BDP1: variants seen among roughly 807,000 people sequenced by gnomAD.
BDP1 encodes the protein transcription factor TFIIIB component B'' homolog.
BDP1 carries 169 observed loss-of-function variants against 266.6 expected under a neutral mutation model. The observed-to-expected ratio is 0.63, with a 90% CI of 0.56 to 0.72. The LOEUF is 0.72. BDP1 is among the 30% of genes least tolerant of loss of function. BDP1 has a pLI of 0.00. For missense variants in BDP1, 3,015 were observed against 3,053.8 expected (o/e 0.99, Z 0.30); for synonymous variants, 1,090 against 1,022.4 (o/e 1.07, Z -1.26).
intron 7 of BDP1, among the ~76,000 whole-genome samples, chr5:71,471,553 G>A (rs1056477270): frequency 1.3e-5 from 2 of 152,158 alleles, no homozygotes; most frequent in African/African-American, 2.4e-5. Flanking sequence ...GCTTTCCTAG[G>A]CCCCCTTAAC....
intron 35 of BDP1, among the ~76,000 whole-genome samples, chr5:71,556,058 T>C (rs1743197789): frequency 6.6e-6 from 1 of 152,156 alleles, no homozygotes; most frequent in Non-Finnish European, 1.5e-5. Context: ...TGTTAAACTC[T>C]TCTTCATATA....
At chr5:71,487,047 A>T (rs777920878) in intron 9 of BDP1, among the ~76,000 whole-genome samples, 1 of 152,196 alleles carries the variant, frequency 6.6e-6, no homozygotes, top group Admixed American at 6.5e-5. Context: ...CTGAAGGCTA[A>T]TGTTGAGTTG....
Position 71,509,452 on chromosome 5 carries a change from T to C in BDP1, c.2373-13T>C, listed in dbSNP as rs767501744. ...TTTAAAACTTGATTGTGTGCCCCCTTTTTTTTTTATAGCGTTCAAGAGAAT... is the reference window on the plus strand; with the variant it reads ...TTTAAAACTTGATTGTGTGCCCCCTCTTTTTTTTATAGCGTTCAAGAGAAT... On this transcript the variant is annotated splice_polypyrimidine_tract_variant and intron_variant, in intron 16 of 38. Coordinates refer to ENST00000358731, the MANE Select transcript of BDP1 (RefSeq NM_018429.3). The C allele has an allele frequency of 5.0e-6, 7 of 1,413,770 alleles. No homozygotes were observed. In the Admixed American group the frequency reaches 8.7e-5, roughly 18 times the overall value. The allele number at this position is 1,413,770 out of a possible 1,614,324, so 87.6% of individuals were successfully genotyped here. A position where few individuals can be genotyped will look rare whatever the true frequency, so the allele number is the denominator to read the frequency against.
At chr5:71,559,108 C>T (rs578249316) in intron 36 of BDP1, among the ~76,000 whole-genome samples, 27 of 151,194 alleles carry the variant, frequency 1.8e-4, no homozygotes, top group African/African-American at 5.6e-4. Context: ...GAGCCGAGAT[C>T]GCGCCTCTGC....
intron 22 of BDP1, 125 bp downstream of exon 22, chr5:71,517,577 A>C (rs963769071): frequency 1.3e-6 from 1 of 770,418 alleles, no homozygotes; most frequent in Non-Finnish European, 2.0e-6. Context: ...AGTAATAAAT[A>C]CTTGTGATAC....
At chr5:71,548,934 C>T (rs1380992380) in intron 33 of BDP1, among the ~76,000 whole-genome samples, 189 bp downstream of exon 33, 1 of 152,104 alleles carries the variant, frequency 6.6e-6, no homozygotes, top group Non-Finnish European at 1.5e-5. Flanking sequence ...AAATCTTCTC[C>T]CTAGTATATC....
intron 34 of BDP1, among the ~76,000 whole-genome samples, chr5:71,552,074 C>T (rs948332816): frequency 6.6e-6 from 1 of 150,606 alleles, no homozygotes; most frequent in African/African-American, 2.4e-5. Flanking sequence ...GGGGTGGCTG[C>T]CGGTAGGAGG....
Position 71,502,746 on chromosome 5 carries a change from G to T in BDP1, c.2196G>T (p.Gly732=). Reference sequence around the variant, plus strand: ...TTCTCATATCACAGGAAGAAATTGGGGCCAATGTAGAGAAGAATGAAAATG... The same window carrying T: ...TTCTCATATCACAGGAAGAAATTGGTGCCAATGTAGAGAAGAATGAAAATG... ...KEILISQEEI[G]ANVEKNENES... The change falls in exon 15 of 39, where the codon GGG becomes GGT. Residue 732 remains glycine (G), a synonymous_variant. Coordinates refer to ENST00000358731, the MANE Select transcript of BDP1 (RefSeq NM_018429.3). 6.2e-7 allele frequency: 1 copy of T among 1,613,824 alleles called. No individual in the cohort carries two copies. The highest frequency in any genetic ancestry group is 8.5e-7 in the Non-Finnish European group (1 of 1,179,958).
At chr5:71,498,426 A>G (rs1349185592) in intron 13 of BDP1, among the ~76,000 whole-genome samples, 1 of 147,794 alleles carries the variant, frequency 6.8e-6, no homozygotes, top group East Asian at 2.0e-4. Flanking sequence ...TTCTTTCTTT[A>G]TTTCTTTTTT....
At chr5:71,545,954 C>A (rs1742272874) in intron 32 of BDP1, among the ~76,000 whole-genome samples, 1 of 151,786 alleles carries the variant, frequency 6.6e-6, no homozygotes, top group Admixed American at 6.6e-5. Context: ...GAGCTGTGGT[C>A]GCCATGCACT....
chr5:71,515,123 G>C lies in BDP1; in HGVS notation c.4649+1G>C. The C allele has an allele frequency of 6.4e-7, 1 of 1,570,292 alleles. No homozygotes were observed. The highest frequency in any genetic ancestry group is 8.6e-7 in the Non-Finnish European group (1 of 1,163,878). ...AAAATGACTCAGTTGTTTCTGTGGG[G>C]TAAACAGTGATTTTCTTTGACAATA... On this transcript the variant is annotated splice_donor_variant, in intron 20 of 38. Transcript: ENST00000358731. LOFTEE classifies it high-confidence loss of function.
chr5:71,557,024 T>A, intron 36 of BDP1, 99 bp downstream of exon 36: 1 of 592,972 alleles, frequency 1.7e-6, no homozygotes, highest in Non-Finnish European at 2.7e-6. Flanking sequence ...TGAGTATTCC[T>A]TTTCTCCAAG....
At chr5:71,571,473 C>T (rs545143813), downstream of BDP1, among the ~76,000 whole-genome samples, 2 of 152,144 alleles carry the variant, frequency 1.3e-5, no homozygotes, top group East Asian at 1.9e-4. Flanking sequence ...TCTCAGATAC[C>T]CAGGGACAAC....
At position 71,522,899 on chromosome 5, in the gene BDP1, T is replaced by G. The variant is rs1765581391; in HGVS notation, c.5337T>G (p.Asp1779Glu). 1.1e-5 allele frequency: 17 copies of G among 1,608,602 alleles called. No individual in the cohort carries two copies. The East Asian group carries it at 3.8e-4, about 36-fold the overall frequency. ...SRRVGEETVGDNSPSSVVEEQ... is the reference protein window; with the variant it reads ...SRRVGEETVGENSPSSVVEEQ... Reference sequence around the variant, plus strand: ...GGGTTGGAGAGGAAACTGTAGGAGATAATTCACCATCTTCAGTTGTTGAAG... The same window carrying G: ...GGGTTGGAGAGGAAACTGTAGGAGAGAATTCACCATCTTCAGTTGTTGAAG... Residue 1779 changes from aspartate to glutamate, a missense_variant, in exon 24 of 39, where the codon GAT (aspartate) becomes GAG (glutamate). Physicochemically the swap from Asp to Glu is conservative, Grantham distance 45 (BLOSUM62 2). Transcript: ENST00000358731.
At chr5:71,492,331 C>T (rs768372633) in intron 11 of BDP1, among the ~76,000 whole-genome samples, 6 of 152,106 alleles carry the variant, frequency 3.9e-5, no homozygotes, top group Non-Finnish European at 5.9e-5. Flanking sequence ...TTTCCAATAG[C>T]GGGTACACCA....
At chr5:71,504,593 A>G (rs898644757) in intron 15 of BDP1, 28 bp from the exon 16 acceptor site, 1 of 1,590,404 alleles carries the variant, frequency 6.3e-7, no homozygotes, top group Non-Finnish European at 8.5e-7. Flanking sequence ...GAAACCTAAA[A>G]CATTAGAAAA....
At chr5:71,511,334 A>G (rs1764909402) in intron 17 of BDP1, 183 bp downstream of exon 17, 1 of 638,980 alleles carries the variant, frequency 1.6e-6, no homozygotes, top group Admixed American at 3.4e-5. Flanking sequence ...CTTTTTTAAA[A>G]AGATAACTTT....
At position 71,562,415 on chromosome 5, in the gene BDP1, T is replaced by C; in HGVS notation, c.7638T>C (p.Asn2546=). The C allele has an allele frequency of 6.2e-7, 1 of 1,613,940 alleles. No individual in the cohort carries two copies. Among genetic ancestry groups the C allele is most frequent in the South Asian group, 1.1e-5 (1 of 91,082 alleles). The part of the protein sequence containing the change: ...PGLRKKLKRS[N]PFNESQEKNR... Reference sequence around the variant, plus strand: ...TAAGAAAGAAATTGAAAAGATCTAATCCATTCAATGAAAGCCAGGAAAAAA... The same window carrying C: ...TAAGAAAGAAATTGAAAAGATCTAACCCATTCAATGAAAGCCAGGAAAAAA... Residue 2546 remains asparagine (N), a synonymous_variant, in exon 38 of 39, where the codon AAT becomes AAC. Transcript: ENST00000358731.
intron 16 of BDP1, among the ~76,000 whole-genome samples, 157 bp downstream of exon 16, chr5:71,504,908 A>G (rs759145737): frequency 1.7e-4 from 26 of 152,226 alleles, no homozygotes; most frequent in Non-Finnish European, 3.1e-4. Context: ...AAGAAAGTTT[A>G]TGTTGTAGCC....
Sources: allele counts gnomAD v4.1 joint callset (sites outside exome capture counted in the v4.1 genomes callset), GRCh38; gene constraint gnomAD v4.1.1; transcripts MANE v1.5; gene names NCBI Gene and HGNC (gene_info 2026-07-23, HGNC 2026-07-21).